PARM1: variants seen among roughly 807,000 people sequenced by gnomAD.
The protein encoded by PARM1 is prostate androgen-regulated mucin-like protein 1, also known as WSC4, cell wall integrity and stress response component 4 homolog.
Under a neutral mutation model 24.6 loss-of-function variants are expected in PARM1, and 14 were observed. The observed-to-expected ratio is 0.57, with a 90% CI of 0.38 to 0.89. The LOEUF (loss-of-function observed/expected upper bound fraction) is 0.89. Ranked by LOEUF, PARM1 falls within the 40% of genes least tolerant of loss-of-function variation. The pLI is 0.00. For missense variants in PARM1, 362 were observed against 380.4 expected, an observed-to-expected ratio of 0.95 and a Z score of 0.40; for synonymous variants, 179 against 156.6, an observed-to-expected ratio of 1.14 and a Z score of -1.07.
chr4:75,022,190 A>C (rs1481048733), intron 2 of PARM1, among the ~76,000 whole-genome samples: 1 of 152,140 alleles, frequency 6.6e-6, no homozygotes, highest in East Asian at 1.9e-4. Context: ...TTTGATTTGC[A>C]TTTCTCTAAT....
intron 1 of PARM1, among the ~76,000 whole-genome samples, chr4:75,000,532 C>T (rs923973767): frequency 1.3e-5 from 2 of 152,084 alleles, no homozygotes; most frequent in South Asian, 2.1e-4. Context: ...GACACAGTTG[C>T]GTTAAGGACA....
chr4:75,018,199 G>A (rs1362524429), intron 2 of PARM1, among the ~76,000 whole-genome samples: 1 of 152,162 alleles, frequency 6.6e-6, no homozygotes, highest in African/African-American at 2.4e-5. Context: ...TGTGCACATG[G>A]CATATGGCAT....
chr4:74,991,132 T>G (rs985373392), intron 1 of PARM1, among the ~76,000 whole-genome samples: 2 of 152,108 alleles, frequency 1.3e-5, no homozygotes, highest in African/African-American at 4.8e-5. Context: ...TTCTTGAGCA[T>G]AAAGGATATA....
chr4:74,944,374 C>T (rs1721368663), intron 1 of PARM1, among the ~76,000 whole-genome samples: 1 of 152,138 alleles, frequency 6.6e-6, no homozygotes, highest in Non-Finnish European at 1.5e-5. Flanking sequence ...CCATGATGTC[C>T]ATTTGTCCAT....
chr4:75,040,559 C>T (rs1438801276), intron 3 of PARM1, among the ~76,000 whole-genome samples: 8 of 152,196 alleles, frequency 5.3e-5, no homozygotes, highest in African/African-American at 1.9e-4. Context: ...CACTAACTTG[C>T]TGTCGTAACT....
Position 75,032,702 on chromosome 4 carries a change from G to A in PARM1, c.770-1181G>A, listed in dbSNP as rs556636939. Among the ~76,000 whole-genome samples, 216 of 152,296 alleles carry A rather than the reference G, an allele frequency of 1.4e-3. 1 individual carries two copies. The highest frequency in any genetic ancestry group is 4.8e-3 in the African/African-American group (199 of 41,564). ...GTCTCAGCAGGTAAGTAGTATAAGA[G>A]TCGTCAGGGTTAAGTAAATAGTTCA... On this transcript the variant is annotated intron_variant, in intron 2 of 3. Transcript: ENST00000307428.
At chr4:74,969,580 AAC>A (rs1721981348) in intron 1 of PARM1, 1 of 152,184 alleles carries the variant, frequency 6.6e-6, no homozygotes, top group Admixed American at 6.5e-5. Flanking sequence ...TTGCTGTGAA[AAC>A]AGTCAGTGTT....
At chr4:75,000,687 G>A (rs2109786601) in intron 1 of PARM1, among the ~76,000 whole-genome samples, 1 of 152,324 alleles carries the variant, frequency 6.6e-6, no homozygotes, top group Middle Eastern at 3.4e-3. Flanking sequence ...GATGCCCTTA[G>A]TTGCAAAGAA....
At chr4:75,044,407 T>G (rs1176135123) in intron 3 of PARM1, among the ~76,000 whole-genome samples, 4 of 152,190 alleles carry the variant, frequency 2.6e-5, no homozygotes, top group Admixed American at 2.0e-4. Context: ...TATGAACAGA[T>G]CAGTTTTGGG....
chr4:74,938,748 A>G (rs369985504), intron 1 of PARM1, among the ~76,000 whole-genome samples: 1 of 152,192 alleles, frequency 6.6e-6, no homozygotes, highest in Non-Finnish European at 1.5e-5. Context: ...TTAAATGTTC[A>G]TCATAATCCT....
intron 1 of PARM1, chr4:74,957,071 A>G (rs535251470): frequency 2.6e-5 from 4 of 152,336 alleles, no homozygotes; most frequent in South Asian, 2.1e-4. Context: ...CATCTCTGCC[A>G]TATAGTGGGC....
At chr4:74,990,591 G>T (rs1226809188) in intron 1 of PARM1, among the ~76,000 whole-genome samples, 1 of 152,136 alleles carries the variant, frequency 6.6e-6, no homozygotes, top group Non-Finnish European at 1.5e-5. Flanking sequence ...TCCAGGGAAA[G>T]TCTTGGAAAG....
intron 1 of PARM1, among the ~76,000 whole-genome samples, chr4:75,004,792 C>T (rs958052750): frequency 1.3e-5 from 2 of 152,228 alleles, no homozygotes; most frequent in African/African-American, 4.8e-5. Flanking sequence ...TAGAAGCAAA[C>T]TGGTTACCAA....
At chr4:74,997,066 C>T (rs1166122951) in intron 1 of PARM1, among the ~76,000 whole-genome samples, 1 of 152,054 alleles carries the variant, frequency 6.6e-6, no homozygotes, top group Non-Finnish European at 1.5e-5. Flanking sequence ...CAATTACAGC[C>T]CCCTAGCTAC....
intron 1 of PARM1, among the ~76,000 whole-genome samples, chr4:74,994,761 C>A (rs1386500885): frequency 6.6e-6 from 1 of 151,440 alleles, no homozygotes; most frequent in Non-Finnish European, 1.5e-5. Flanking sequence ...CCAGTGCACT[C>A]CAGCCTGGGT....
intron 3 of PARM1, among the ~76,000 whole-genome samples, chr4:75,040,793 C>T (rs937605443): frequency 6.6e-6 from 1 of 152,248 alleles, no homozygotes; most frequent in East Asian, 1.9e-4. Context: ...AATTATGACT[C>T]AGTAGCTACC....
At chr4:75,003,514 C>G (rs73828403) in intron 1 of PARM1, among the ~76,000 whole-genome samples, 4 of 152,092 alleles carry the variant, frequency 2.6e-5, no homozygotes, top group African/African-American at 9.7e-5. Context: ...AAAACAGAAG[C>G]TCTTTCCTCT....
At chr4:74,989,625 A>G (rs968547945) in intron 1 of PARM1, among the ~76,000 whole-genome samples, 4 of 152,132 alleles carry the variant, frequency 2.6e-5, no homozygotes, top group Admixed American at 1.3e-4. Context: ...TGATTAAATC[A>G]TTGGCCACTG....
intron 1 of PARM1, among the ~76,000 whole-genome samples, chr4:75,007,406 T>C (rs1010647688): frequency 6.6e-6 from 1 of 152,118 alleles, no homozygotes; most frequent in Non-Finnish European, 1.5e-5. Context: ...AGGGTATCAG[T>C]GGGGGTCACA....
Sources: allele counts gnomAD v4.1 joint callset (sites outside exome capture counted in the v4.1 genomes callset), GRCh38; gene constraint gnomAD v4.1.1; transcripts MANE v1.5; gene names NCBI Gene and HGNC (gene_info 2026-07-23, HGNC 2026-07-21).